Variants in CACNA2D3 observed in about 807,000 individuals in gnomAD.
The protein encoded by CACNA2D3 is calcium voltage-gated channel auxiliary subunit alpha2delta 3.
A neutral mutation model predicts 160.6 loss-of-function variants in CACNA2D3; 60 were observed. That is an observed-to-expected ratio of 0.37 (90% CI 0.30 to 0.46). The LOEUF (loss-of-function observed/expected upper bound fraction) is 0.46. Ranked by LOEUF, CACNA2D3 falls within the 20% of genes least tolerant of loss-of-function variation. The pLI is 1.00. For missense variants in CACNA2D3, 1,205 were observed against 1,365.0 expected (o/e 0.88, Z 1.85); for synonymous variants, 558 against 492.9 (o/e 1.13, Z -1.75).
At chr3:54,549,450 A>G (rs1331956247) in intron 5 of CACNA2D3, among the ~76,000 whole-genome samples, 3 of 152,140 alleles carry the variant, frequency 2.0e-5, no homozygotes, top group African/African-American at 7.2e-5. Flanking sequence ...CGTCTCAAAA[A>G]CAAAAAAAAC....
intron 16 of CACNA2D3, among the ~76,000 whole-genome samples, chr3:54,845,905 T>C (rs1212051637): frequency 1.3e-5 from 2 of 152,178 alleles, no homozygotes; most frequent in South Asian, 2.1e-4. Context: ...TGAAGAATTA[T>C]GGAAAATGAC....
chr3:54,164,689 G>A (rs1700416829), intron 2 of CACNA2D3, among the ~76,000 whole-genome samples: 1 of 152,124 alleles, frequency 6.6e-6, no homozygotes, highest in Non-Finnish European at 1.5e-5. Flanking sequence ...TGTGACCAGT[G>A]GGGATGGGGG....
intron 17 of CACNA2D3, among the ~76,000 whole-genome samples, chr3:54,857,733 A>G (rs950729884): frequency 6.6e-6 from 1 of 152,194 alleles, no homozygotes; most frequent in Non-Finnish European, 1.5e-5. Flanking sequence ...GTGTCTCTGC[A>G]AAAATTGATT....
chr3:54,337,148 G>T (rs1387732206), intron 3 of CACNA2D3, among the ~76,000 whole-genome samples: 1 of 144,558 alleles, frequency 6.9e-6, no homozygotes, highest in Non-Finnish European at 1.5e-5. Context: ...AATGGTGATG[G>T]TGGTATGCTG....
intron 11 of CACNA2D3, among the ~76,000 whole-genome samples, chr3:54,716,698 A>G (rs1162842083): frequency 6.6e-6 from 1 of 152,112 alleles, no homozygotes; most frequent in African/African-American, 2.4e-5. Context: ...TCAGTTTAGG[A>G]ACAAAAGTAA....
chr3:54,813,599 G>A (rs935256418), intron 13 of CACNA2D3, among the ~76,000 whole-genome samples: 3 of 152,076 alleles, frequency 2.0e-5, no homozygotes, highest in African/African-American at 7.2e-5. Context: ...TCTTTCCCTG[G>A]CATCAACTCT....
intron 9 of CACNA2D3, among the ~76,000 whole-genome samples, chr3:54,602,886 C>T (rs756969255): frequency 1.3e-5 from 2 of 152,150 alleles, no homozygotes; most frequent in Non-Finnish European, 2.9e-5. Flanking sequence ...TCTTTACTCA[C>T]ACTCCTCACA....
At chr3:54,665,924 C>T (rs1700062285) in intron 11 of CACNA2D3, among the ~76,000 whole-genome samples, 1 of 151,956 alleles carries the variant, frequency 6.6e-6, no homozygotes, top group Admixed American at 6.6e-5. Context: ...ACCTCAGCCT[C>T]CTGAGTAGCT....
intron 27 of CACNA2D3, among the ~76,000 whole-genome samples, chr3:54,947,740 A>G (rs1044939916): frequency 1.3e-5 from 2 of 152,184 alleles, no homozygotes; most frequent in Non-Finnish European, 2.9e-5. Context: ...TACCCTATGT[A>G]TTCCAAATAT....
At position 55,073,229 on chromosome 3, in the gene CACNA2D3, C is replaced by T. The variant is rs186907949; in HGVS notation, c.2988-216C>T. ...TCTTTCCAAGGTGAGTTGTATGAGC[C>T]GCATGTCGTCATAGCTATTGTTGTT... is the stretch of plus-strand genomic sequence containing the variant. On this transcript the variant is annotated intron_variant, in intron 35 of 37. Transcript: ENST00000474759. Among the ~76,000 whole-genome samples the T allele has an allele frequency of 2.5e-4, 38 of 152,152 alleles. No homozygotes were observed. In the East Asian group the frequency reaches 3.5e-3, roughly 14 times the overall value.
chr3:54,718,743 T>G (rs1484663506), intron 11 of CACNA2D3, among the ~76,000 whole-genome samples: 1 of 152,094 alleles, frequency 6.6e-6, no homozygotes, highest in Non-Finnish European at 1.5e-5. Context: ...GCGATTGAGT[T>G]GAATGTAAAA....
chr3:54,197,470 C>T (rs1313366459), intron 2 of CACNA2D3: 2 of 152,214 alleles, frequency 1.3e-5, no homozygotes, highest in Non-Finnish European at 2.9e-5. Context: ...AGTGTGGGTC[C>T]ACCTCTGGCA....
intron 27 of CACNA2D3, among the ~76,000 whole-genome samples, chr3:54,914,422 T>C (rs546427087): frequency 2.6e-5 from 4 of 152,152 alleles, no homozygotes; most frequent in Non-Finnish European, 4.4e-5. Flanking sequence ...CTAAGACCCT[T>C]CTCAGATCCC....
At chr3:54,138,279 A>G (rs1348341651) in intron 2 of CACNA2D3, among the ~76,000 whole-genome samples, 3 of 152,202 alleles carry the variant, frequency 2.0e-5, no homozygotes, top group Non-Finnish European at 2.9e-5. Context: ...GCACTGGGCT[A>G]TGCAATGTGG....
At chr3:54,611,253 G>A (rs1340559401) in intron 9 of CACNA2D3, among the ~76,000 whole-genome samples, 1 of 152,216 alleles carries the variant, frequency 6.6e-6, no homozygotes, top group East Asian at 1.9e-4. Context: ...GGGGATGCAT[G>A]GGGTTTAGCT....
Position 54,642,207 on chromosome 3 carries a change from C to A in CACNA2D3, c.1133C>A (p.Thr378Lys). Residue 378 changes from threonine to lysine, a missense_variant, in exon 11 of 38, where the codon ACA becomes AAA. Thr to Lys is a moderately conservative substitution (Grantham distance 78). Transcript: ENST00000474759. Reference protein sequence around the residue: ...ITDGAVDTYDTIFAKYNWPDR... With the variant: ...ITDGAVDTYDKIFAKYNWPDR... ...GATGGGGCGGTGGACACCTATGATA[C>A]AATCTTTGCAAAATACAATTGGCCA... 6.2e-7 allele frequency: 1 copy of A among 1,612,536 alleles called. No homozygotes were observed. The highest frequency in any genetic ancestry group is 8.5e-7 in the Non-Finnish European group (1 of 1,179,236).
intron 3 of CACNA2D3, among the ~76,000 whole-genome samples, chr3:54,379,296 AG>A (rs1699061466): frequency 1.3e-5 from 2 of 152,250 alleles, no homozygotes; most frequent in South Asian, 4.1e-4. Context: ...TGTGCAACAA[AG>A]CTTATTTCTT....
Position 54,635,879 on chromosome 3 carries a change from A to G in CACNA2D3, c.1054-6249A>G, listed in dbSNP as rs555716278. 3.3e-4 allele frequency among the ~76,000 whole-genome samples: 50 copies of G among 152,200 alleles called. 1 individual carries two copies. Among genetic ancestry groups the G allele is most frequent in the African/African-American group, 1.1e-3 (47 of 41,420 alleles). ...GAGGAATTATGTCTGACAGAACGGA[A>G]GAAATGACTGGTGGCCTTCTCAGAC... On this transcript the variant is annotated intron_variant, in intron 10 of 37. Transcript: ENST00000474759.
intron 4 of CACNA2D3, among the ~76,000 whole-genome samples, chr3:54,421,347 A>G (rs1275865050): frequency 2.6e-5 from 4 of 152,170 alleles, no homozygotes; most frequent in African/African-American, 9.7e-5. Context: ...ATTCTAGAAT[A>G]TTTTTCCTGA....
Sources: allele counts gnomAD v4.1 joint callset (sites outside exome capture counted in the v4.1 genomes callset), GRCh38; gene constraint gnomAD v4.1.1; transcripts MANE v1.5; gene names NCBI Gene and HGNC (gene_info 2026-07-23, HGNC 2026-07-21).